ARHGAP32: variants seen among roughly 807,000 people sequenced by gnomAD.
ARHGAP32 encodes the protein rho GTPase-activating protein 32.
ARHGAP32 carries 51 observed loss-of-function variants against 186.5 expected under a neutral mutation model. The ratio of observed to expected loss-of-function variants is 0.27; its 90% CI spans 0.22 to 0.35. The LOEUF is 0.35. Among genes scored for constraint, ARHGAP32 ranks in the 10% least tolerant of loss-of-function variants. The pLI is 1.00. For missense variants in ARHGAP32, 2,186 were observed against 2,623.5 expected (o/e 0.83, Z 3.64); for synonymous variants, 950 against 964.3 (o/e 0.99, Z 0.27).
intron 1 of ARHGAP32, among the ~76,000 whole-genome samples, chr11:129,270,137 A>C (rs757227789): frequency 2.0e-5 from 3 of 152,232 alleles, no homozygotes; most frequent in Non-Finnish European, 4.4e-5. Context: ...CAGGTGAATG[A>C]ATAAATAAAC....
intron 12 of ARHGAP32, among the ~76,000 whole-genome samples, chr11:128,990,846 G>A (rs1357901718): frequency 6.6e-6 from 1 of 152,108 alleles, no homozygotes; most frequent in Non-Finnish European, 1.5e-5. Context: ...AGATTACTGG[G>A]ATAATTAACA....
intron 10 of ARHGAP32, among the ~76,000 whole-genome samples, chr11:129,052,908 G>C (rs1164725694): frequency 6.6e-6 from 1 of 151,894 alleles, no homozygotes; most frequent in Non-Finnish European, 1.5e-5. Flanking sequence ...TGACAAAAAA[G>C]GATTTTAGAA....
At chr11:129,252,990 A>G (rs546815946) in intron 1 of ARHGAP32, among the ~76,000 whole-genome samples, 16 of 152,356 alleles carry the variant, frequency 1.1e-4, no homozygotes, top group African/African-American at 3.6e-4. Context: ...GGTTTTGGCC[A>G]AACAGAACAA....
At chr11:129,039,720 A>T (rs1320116742) in intron 11 of ARHGAP32, among the ~76,000 whole-genome samples, 1 of 152,240 alleles carries the variant, frequency 6.6e-6, no homozygotes, top group African/African-American at 2.4e-5. Flanking sequence ...ATCTTAATAA[A>T]GCTGAGTTTT....
chr11:129,000,768 C>T (rs1946338126), intron 11 of ARHGAP32, among the ~76,000 whole-genome samples: 1 of 152,086 alleles, frequency 6.6e-6, no homozygotes, highest in South Asian at 2.1e-4. Context: ...CACCCCCCCA[C>T]CATTGGCTTA....
At chr11:129,149,613 C>T (rs1223725562) in intron 2 of ARHGAP32, among the ~76,000 whole-genome samples, 1 of 152,156 alleles carries the variant, frequency 6.6e-6, no homozygotes, top group Non-Finnish European at 1.5e-5. Context: ...GGGATCACCC[C>T]ATGGGACAAG....
intron 15 of ARHGAP32, 101 bp from the exon 16 acceptor site, chr11:128,982,037 A>G (rs1945718177): frequency 1.4e-6 from 1 of 707,938 alleles, no homozygotes. Flanking sequence ...TAGCAAAATG[A>G]AGAAAGGGAC....
chr11:129,217,478 C>A (rs1221967888), intron 1 of ARHGAP32, among the ~76,000 whole-genome samples: 2 of 152,156 alleles, frequency 1.3e-5, no homozygotes, highest in African/African-American at 4.8e-5. Context: ...AAATCCCAGG[C>A]AGTATTTATT....
chr11:129,235,153 T>A (rs531575222), intron 1 of ARHGAP32, among the ~76,000 whole-genome samples: 4 of 152,134 alleles, frequency 2.6e-5, no homozygotes, highest in Non-Finnish European at 4.4e-5. Flanking sequence ...CCTGCTGACA[T>A]CTTGATTTCG....
chr11:129,103,512 CA>C lies in ARHGAP32; in HGVS notation c.445-9806del, dbSNP rs1366293952. Among the ~76,000 whole-genome samples, 4 of 151,860 alleles carry C rather than the reference CA, an allele frequency of 2.6e-5. No homozygotes were observed. In the East Asian group the frequency reaches 7.7e-4, roughly 29 times the overall value. ...CAGGAGATACCAGATGAGAACTTTC[CA>C]AAATATGTGAAAACATCAGCTTCAA... On this transcript the variant is annotated intron_variant, in intron 5 of 22. Coordinates refer to ENST00000682385, the MANE Select transcript of ARHGAP32 (RefSeq NM_001378024.1).
At chr11:129,186,906 T>C (rs1432191106) in intron 1 of ARHGAP32, among the ~76,000 whole-genome samples, 1 of 152,128 alleles carries the variant, frequency 6.6e-6, no homozygotes, top group African/African-American at 2.4e-5. Flanking sequence ...CCCTCACACA[T>C]TGTTGGCAGG....
chr11:129,090,697 A>T (rs915964266), intron 6 of ARHGAP32, among the ~76,000 whole-genome samples: 1 of 152,186 alleles, frequency 6.6e-6, no homozygotes, highest in African/African-American at 2.4e-5. Flanking sequence ...AACATTTAAA[A>T]GCTGATGCTT....
At chr11:129,042,479 T>G (rs1439518984) in intron 10 of ARHGAP32, among the ~76,000 whole-genome samples, 8 of 152,218 alleles carry the variant, frequency 5.3e-5, no homozygotes, top group Admixed American at 5.2e-4. Context: ...CTTCCTATTT[T>G]ACGGAACAAG....
intron 10 of ARHGAP32, among the ~76,000 whole-genome samples, chr11:129,041,218 T>G (rs1939578753): frequency 6.6e-6 from 1 of 152,252 alleles, no homozygotes; most frequent in Non-Finnish European, 1.5e-5. Flanking sequence ...GTTTTATTTG[T>G]CCAAATATCT....
At chr11:129,009,781 G>A (rs1427057302) in intron 11 of ARHGAP32, among the ~76,000 whole-genome samples, 1 of 152,084 alleles carries the variant, frequency 6.6e-6, no homozygotes, top group Non-Finnish European at 1.5e-5. Flanking sequence ...GTTGTGAACA[G>A]TGCTGCAGTG....
intron 5 of ARHGAP32, among the ~76,000 whole-genome samples, chr11:129,115,675 G>C (rs1942347956): frequency 6.6e-6 from 1 of 152,078 alleles, no homozygotes; most frequent in East Asian, 1.9e-4. Flanking sequence ...AGCATGGTCA[G>C]GGCTTTCTAA....
At chr11:129,163,323 AAAG>A (rs1488151285) in intron 2 of ARHGAP32, among the ~76,000 whole-genome samples, 9 of 152,306 alleles carry the variant, frequency 5.9e-5, no homozygotes, top group Admixed American at 1.3e-4. Context: ...CTCTCCCACA[AAAG>A]AAGAATTTCT....
intron 11 of ARHGAP32, among the ~76,000 whole-genome samples, chr11:129,018,914 T>C (rs1418350183): frequency 6.6e-6 from 1 of 152,142 alleles, no homozygotes; most frequent in Non-Finnish European, 1.5e-5. Flanking sequence ...CAAAAAGACT[T>C]TAACATAAAT....
chr11:129,086,596 C>A (rs771291961), intron 6 of ARHGAP32, among the ~76,000 whole-genome samples: 1 of 151,980 alleles, frequency 6.6e-6, no homozygotes, highest in Non-Finnish European at 1.5e-5. Flanking sequence ...CCAAGGCGGG[C>A]GGATCACAAG....
Sources: allele counts gnomAD v4.1 joint callset (sites outside exome capture counted in the v4.1 genomes callset), GRCh38; gene constraint gnomAD v4.1.1; transcripts MANE v1.5; gene names NCBI Gene and HGNC (gene_info 2026-07-23, HGNC 2026-07-21).